The following GOLGA4 variants were observed in gnomAD, a reference collection of about 807,000 sequenced individuals.
GOLGA4 encodes the protein golgin A4.
GOLGA4 carries 169 observed loss-of-function variants against 265.9 expected under a neutral mutation model. The observed-to-expected ratio is 0.64, with a 90% CI of 0.56 to 0.72. GOLGA4 has a LOEUF of 0.72. Ranked by LOEUF, GOLGA4 falls within the 30% of genes least tolerant of loss-of-function variation. The probability of loss-of-function intolerance (pLI) is 0.00; values close to 1 mark genes in which losing one functional copy is unlikely to be tolerated. For missense variants in GOLGA4, 2,482 were observed against 2,483.4 expected (o/e 1.00, Z 0.01); for synonymous variants, 923 against 855.8 (o/e 1.08, Z -1.37).
intron 3 of GOLGA4, among the ~76,000 whole-genome samples, chr3:37,282,815 T>G (rs1302757991): frequency 6.6e-6 from 1 of 152,218 alleles, no homozygotes; most frequent in Non-Finnish European, 1.5e-5. Flanking sequence ...CCCTGTTTGG[T>G]CTAAGGGAGG....
chr3:37,343,901 G>T (rs1294381988), intron 20 of GOLGA4, among the ~76,000 whole-genome samples: 2 of 152,232 alleles, frequency 1.3e-5, no homozygotes, highest in Admixed American at 1.3e-4. Flanking sequence ...CTTTTCGCCA[G>T]ATTTTAGCAT....
chr3:37,332,704 C>T (rs554005084), intron 16 of GOLGA4, among the ~76,000 whole-genome samples: 68 of 151,910 alleles, frequency 4.5e-4, no homozygotes, highest in Non-Finnish European at 8.5e-4. Flanking sequence ...CTCCCTCCAC[C>T]GGCAACCATT....
intron 2 of GOLGA4, 32 bp downstream of exon 2, chr3:37,251,516 C>A: frequency 7.7e-7 from 1 of 1,305,018 alleles, no homozygotes; most frequent in Non-Finnish European, 1.1e-6. Context: ...TAGTATACCT[C>A]TCAAAAGAAA....
At position 37,243,408 on chromosome 3, in the gene GOLGA4, C is replaced by T; in HGVS notation, c.-143C>T. ...CCTCAGGACGAGTGTCCGGACTTGC[C>T]CACAGCCTCAAGGAGGAGACGGCGA... On this transcript the variant is annotated 5_prime_UTR_variant, in exon 1 of 24. Transcript: ENST00000361924. The T allele has an allele frequency of 1.4e-6, 1 of 711,754 alleles. No homozygotes were observed. Among genetic ancestry groups the T allele is most frequent in the South Asian group, 1.5e-5 (1 of 64,562 alleles). The allele number at this position is 711,754 out of a possible 1,614,324, so 44.1% of individuals were successfully genotyped here.
chr3:37,362,799 T>TTTTTTTTTTTTTTTTTTTA (rs1696426597), intron 23 of GOLGA4, among the ~76,000 whole-genome samples: 1 of 144,966 alleles, frequency 6.9e-6, no homozygotes, highest in Non-Finnish European at 1.5e-5. Context: ...TTTTTTTTTT[T>TTTTTTTTTTTTTTTTTTTA]TGAGACGGAG....
In GOLGA4 at chr3:37,324,644, C is replaced by T. The variant is rs374622181; in HGVS notation, c.2758C>T (p.Gln920Ter). The T allele has an allele frequency of 2.5e-6, 4 of 1,612,116 alleles. No individual in the cohort carries two copies. Among genetic ancestry groups the T allele is most frequent in the Non-Finnish European group, 3.4e-6 (4 of 1,179,080 alleles). ...ENMILQMREG[Q>*]KKEIEILTQK... ...TATGATTTTACAAATGAGAGAAGGA[C>T]AGAAGAAAGAAATTGAGATACTCAC... The change falls in exon 14 of 24, where the codon CAG (glutamine) becomes TAG (stop). Residue 920 changes from glutamine to a stop codon, truncating the protein, a stop_gained. Transcript: ENST00000361924. LOFTEE classifies it high-confidence loss of function.
chr3:37,336,558 C>T (rs1034065677), intron 17 of GOLGA4, among the ~76,000 whole-genome samples: 2 of 150,834 alleles, frequency 1.3e-5, no homozygotes, highest in East Asian at 3.9e-4. Context: ...GTCGGGAGTT[C>T]GAGACCAGCC....
intron 2 of GOLGA4, among the ~76,000 whole-genome samples, chr3:37,253,788 C>T (rs550268611): frequency 1.6e-4 from 25 of 151,884 alleles, no homozygotes; most frequent in Middle Eastern, 3.4e-3. Flanking sequence ...TTTGGGAGGC[C>T]GAGGTGGGCA....
At chr3:37,294,742 G>A (rs1365686134) in intron 5 of GOLGA4, among the ~76,000 whole-genome samples, 9 of 152,070 alleles carry the variant, frequency 5.9e-5, no homozygotes. Context: ...CATCATTACA[G>A]CTCTGGAAAG....
chr3:37,244,942 G>C lies in GOLGA4; in HGVS notation c.72+1320G>C, dbSNP rs996974900. On this transcript the variant is annotated intron_variant, in intron 1 of 23. Coordinates refer to ENST00000361924, the MANE Select transcript of GOLGA4 (RefSeq NM_002078.5). ...TAGAGATGAGGAATGTGAGGAAATG[G>C]GCATGTTAGTGAATGTAAGGCACTT... is the stretch of plus-strand genomic sequence containing the variant. Among the ~76,000 whole-genome samples, 7 of 152,272 alleles carry C rather than the reference G, an allele frequency of 4.6e-5. No individual in the cohort carries two copies. The South Asian group carries it at 6.2e-4, about 14-fold the overall frequency.
intron 20 of GOLGA4, among the ~76,000 whole-genome samples, chr3:37,342,913 T>G (rs1559459731): frequency 6.6e-6 from 1 of 152,206 alleles, no homozygotes; most frequent in Non-Finnish European, 1.5e-5. Flanking sequence ...TTTTTTTTCT[T>G]TTTTGAGATG....
At chr3:37,289,537 C>T (rs551097103) in intron 5 of GOLGA4, among the ~76,000 whole-genome samples, 2 of 152,180 alleles carry the variant, frequency 1.3e-5, no homozygotes, top group South Asian at 4.1e-4. Context: ...GAACAGTCAG[C>T]GTCAACTTCC....
chr3:37,313,103 C>T (rs979765106), intron 10 of GOLGA4, among the ~76,000 whole-genome samples: 11 of 151,686 alleles, frequency 7.3e-5, no homozygotes, highest in Non-Finnish European at 1.5e-4. Flanking sequence ...CTCTGGAGGC[C>T]GAGGCAGGAT....
chr3:37,345,627 T>G (rs923624203), intron 20 of GOLGA4, among the ~76,000 whole-genome samples: 1 of 152,170 alleles, frequency 6.6e-6, no homozygotes, highest in Non-Finnish European at 1.5e-5. Context: ...ACCCACTGTT[T>G]GGGAGAAGTC....
chr3:37,323,709 TG>T lies in GOLGA4; in HGVS notation c.1825del (p.Val609LeufsTer26). ...AAGCACAATAAGGAGATTACAGTCA[TG>T]GTTGAAAAACACAAGACAGAATTGG... ...KNKHNKEITV[M>X]VEKHKTELES... On this transcript the variant is annotated frameshift_variant, in exon 14 of 24. Coordinates refer to ENST00000361924, the MANE Select transcript of GOLGA4 (RefSeq NM_002078.5). LOFTEE classifies it high-confidence loss of function. 6.2e-7 allele frequency: 1 copy of T among 1,613,802 alleles called. No homozygotes were observed. Among genetic ancestry groups the T allele is most frequent in the Non-Finnish European group, 8.5e-7 (1 of 1,179,950 alleles).
Position 37,326,153 on chromosome 3 carries a change from A to C in GOLGA4, c.4267A>C (p.Thr1423Pro). Residue 1423 changes from threonine to proline, a missense_variant, in exon 14 of 24, where the codon ACT becomes CCT. By Grantham distance (38) the Thr-to-Pro change is conservative. Around this residue, in one of 3 missense-constraint regions of GOLGA4, gnomAD observed 942 missense variants for 983.1 expected, o/e 0.96. Coordinates refer to ENST00000361924, the MANE Select transcript of GOLGA4 (RefSeq NM_002078.5). ...QVQDLSFKVD[T>P]LSKEKISALE... is the part of the protein sequence containing the mutation. ...GCAAGATTTATCTTTTAAAGTTGACACTCTGAGTAAAGAGAAAATTTCTGC... is the reference window on the plus strand; with the variant it reads ...GCAAGATTTATCTTTTAAAGTTGACCCTCTGAGTAAAGAGAAAATTTCTGC... 6.2e-7 allele frequency: 1 copy of C among 1,613,478 alleles called. No homozygotes were observed. The highest frequency in any genetic ancestry group is 1.1e-5 in the South Asian group (1 of 91,006).
intron 5 of GOLGA4, among the ~76,000 whole-genome samples, chr3:37,292,404 G>A (rs1002148156): frequency 2.0e-5 from 3 of 152,168 alleles, no homozygotes; most frequent in Non-Finnish European, 2.9e-5. Context: ...AGTTGTGGCC[G>A]GGCACAGTGG....
chr3:37,326,578 G>A lies in GOLGA4; in HGVS notation c.4692G>A (p.Gln1564=), dbSNP rs757626382. 6.2e-7 allele frequency: 1 copy of A among 1,612,946 alleles called. No homozygotes were observed. Among genetic ancestry groups the A allele is most frequent in the South Asian group, 1.1e-5 (1 of 90,872 alleles). Residue 1564 remains glutamine (Q), a synonymous_variant, in exon 14 of 24, where the codon CAG becomes CAA. Transcript: ENST00000361924. ...ATATTGAACACAAAGAATTGGTTCA[G>A]AAACTTCAACATTTTCAAGAGTTAG... The part of the protein sequence containing the change: ...QKDIEHKELV[Q]KLQHFQELGE...
intron 23 of GOLGA4, among the ~76,000 whole-genome samples, chr3:37,362,225 ATTTATTTAT>A (rs1259743643): frequency 2.3e-3 from 173 of 76,806 alleles, no homozygotes; most frequent in African/African-American, 3.2e-3. Flanking sequence ...TTATTTATTT[ATTTATTTAT>A]TTATTATTTT....
Sources: gnomAD v4.1 joint callset for allele counts (sites outside exome capture counted in the v4.1 genomes callset) on GRCh38, gnomAD v4.1.1 for gene constraint, gnomAD v4.1.1 regional missense constraint, MANE v1.5 for transcripts, NCBI Gene and HGNC (gene_info 2026-07-23, HGNC 2026-07-21) for gene names.